Variants in BBS5 observed in about 807,000 individuals in gnomAD.
The protein encoded by BBS5 is Bardet-Biedl syndrome 5.
BBS5 carries 39 observed loss-of-function variants against 50.2 expected under a neutral mutation model. The observed-to-expected ratio is 0.78, with a 90% CI of 0.60 to 1.01. BBS5 has a LOEUF of 1.01. Among genes scored for constraint, BBS5 ranks in the 50% least tolerant of loss-of-function variants. BBS5 has a pLI of 0.00. For synonymous variants in BBS5, 134 were observed against 133.1 expected (o/e 1.01, Z -0.05); for missense variants, 356 against 401.5 (o/e 0.89, Z 0.97).
chr2:169,504,954 T>C lies in BBS5; in HGVS notation c.*372T>C, dbSNP rs1683877780. On this transcript the variant is annotated 3_prime_UTR_variant, in exon 12 of 12. Coordinates refer to ENST00000295240, the MANE Select transcript of BBS5 (RefSeq NM_152384.3). ...GTGGAGGTCCAAAGAGGACTGGTGATCTACGTGTGCTTTTTCAAGGGAGCT... is the reference window on the plus strand; with the variant it reads ...GTGGAGGTCCAAAGAGGACTGGTGACCTACGTGTGCTTTTTCAAGGGAGCT... 5 of 1,613,678 alleles carry C rather than the reference T, an allele frequency of 3.1e-6. No homozygotes were observed. Among genetic ancestry groups the C allele is most frequent in the South Asian group, 1.1e-5 (1 of 91,082 alleles).
rs1054138918 is a variant in BBS5, at chr2:169,487,068, G to C, written c.143-1G>C. The C allele has an allele frequency of 6.8e-6, 11 of 1,608,594 alleles. No homozygotes were observed. The Admixed American group carries it at 1.8e-4, about 27-fold the overall frequency. On this transcript the variant is annotated splice_acceptor_variant, in intron 2 of 11. Transcript: ENST00000295240. LOFTEE classifies it high-confidence loss of function. ...CCTATTTTTTGTCTGTGTGCTTTTA[G>C]GTAGACTCTTGGTAACAAATTTAAG...
In BBS5 at chr2:169,505,181, T is replaced by C; in HGVS notation, c.*599T>C. 1 of 573,688 alleles carries C rather than the reference T, an allele frequency of 1.7e-6. No homozygotes were observed. The highest frequency in any genetic ancestry group is 2.6e-5 in the Admixed American group (1 of 37,988). 35.5% of individuals were successfully genotyped at this position (573,688 alleles called of 1,614,324 possible). A position where few individuals can be genotyped will look rare whatever the true frequency, so the allele number is the denominator to read the frequency against. On this transcript the variant is annotated 3_prime_UTR_variant, in exon 12 of 12. Coordinates refer to ENST00000295240, the MANE Select transcript of BBS5 (RefSeq NM_152384.3). Reference sequence around the variant, plus strand: ...TGTGTTGGCCGGGCTGGTCTCCAGCTCCTAACCGCGAGTGATCCGCCAGCC... The same window carrying C: ...TGTGTTGGCCGGGCTGGTCTCCAGCCCCTAACCGCGAGTGATCCGCCAGCC...
At position 169,505,238 on chromosome 2, in the gene BBS5, G is replaced by C. The variant is rs1210014593; in HGVS notation, c.*656G>C. 1 of 465,242 alleles carries C rather than the reference G, an allele frequency of 2.1e-6. No homozygotes were observed. 28.8% of individuals were successfully genotyped at this position (465,242 alleles called of 1,614,324 possible). A position where few individuals can be genotyped will look rare whatever the true frequency, so the allele number is the denominator to read the frequency against. On this transcript the variant is annotated 3_prime_UTR_variant, in exon 12 of 12. Transcript: ENST00000295240. ...TCCCGAGGTGCCGGGATTGCAGACGGAGTCTGGTTCACTTAGTGCTCAATG... is the reference window on the plus strand; with the variant it reads ...TCCCGAGGTGCCGGGATTGCAGACGCAGTCTGGTTCACTTAGTGCTCAATG...
chr2:169,504,809 G>A lies in BBS5; in HGVS notation c.*227G>A. 6.4e-7 allele frequency: 1 copy of A among 1,570,406 alleles called. No homozygotes were observed. Among genetic ancestry groups the A allele is most frequent in the African/African-American group, 1.4e-5 (1 of 72,386 alleles). ...ATGGCCTAGTAACCGTCCGGCCGCG[G>A]CGCTGGCTTAAGCCATGGCTGAGGG... On this transcript the variant is annotated 3_prime_UTR_variant, in exon 12 of 12. Transcript: ENST00000295240.
intron 9 of BBS5, among the ~76,000 whole-genome samples, chr2:169,502,532 C>A (rs1683829241): frequency 6.6e-6 from 1 of 152,112 alleles, no homozygotes; most frequent in Non-Finnish European, 1.5e-5. Context: ...CTTATATTTT[C>A]CTCTACTCAG....
chr2:169,492,015 T>G (rs1207727794), intron 5 of BBS5, among the ~76,000 whole-genome samples: 1 of 151,278 alleles, frequency 6.6e-6, no homozygotes, highest in Admixed American at 6.6e-5. Flanking sequence ...CAGGCTGCTC[T>G]CAAACTCCAG....
At chr2:169,479,785 G>A (rs1683356085) in intron 1 of BBS5, among the ~76,000 whole-genome samples, 173 bp downstream of exon 1, 1 of 152,212 alleles carries the variant, frequency 6.6e-6, no homozygotes, top group East Asian at 1.9e-4. Flanking sequence ...GGCCACTGTG[G>A]CCCTCTCGAG....
Position 169,505,696 on chromosome 2 carries a change from G to A in BBS5, c.*1114G>A, listed in dbSNP as rs1408722740. 2.3e-5 allele frequency: 5 copies of A among 215,604 alleles called. No individual in the cohort carries two copies. The highest frequency in any genetic ancestry group is 3.7e-5 in the Non-Finnish European group (4 of 107,406). The allele number at this position is 215,604 out of a possible 1,614,324, so 13.4% of individuals were successfully genotyped here. A position where few individuals can be genotyped will look rare whatever the true frequency, so the allele number is the denominator to read the frequency against. On this transcript the variant is annotated 3_prime_UTR_variant, in exon 12 of 12. Coordinates refer to ENST00000295240, the MANE Select transcript of BBS5 (RefSeq NM_152384.3). ...CCTCCGCCTGGCAACCGCCCCGTCTGATAAGTAAGGAGCCCCTCTGCCCAG... is the reference window on the plus strand; with the variant it reads ...CCTCCGCCTGGCAACCGCCCCGTCTAATAAGTAAGGAGCCCCTCTGCCCAG...
chr2:169,493,042 A>G, intron 6 of BBS5, 33 bp downstream of exon 6: 1 of 1,611,598 alleles, frequency 6.2e-7, no homozygotes, highest in Non-Finnish European at 8.5e-7. Flanking sequence ...ACCTTTTGGG[A>G]CAGTGTTTTG....
chr2:169,480,670 CTTTTTTTTTTTT>C (rs577688589), intron 1 of BBS5, among the ~76,000 whole-genome samples: 3 of 73,168 alleles, frequency 4.1e-5, no homozygotes, highest in African/African-American at 1.1e-4. Context: ...TTCTGTCATT[CTTTTTTTTTTTT>C]TTTTTTTTTT....
chr2:169,492,503 AT>A, intron 5 of BBS5, among the ~76,000 whole-genome samples: 1 of 151,846 alleles, frequency 6.6e-6, no homozygotes, highest in Non-Finnish European at 1.5e-5. Flanking sequence ...AAAAAAAAAA[AT>A]AGGTTATTGA....
At chr2:169,491,680 C>A (rs1039137019) in intron 5 of BBS5, among the ~76,000 whole-genome samples, 2 of 151,498 alleles carry the variant, frequency 1.3e-5, no homozygotes, top group African/African-American at 4.9e-5. Flanking sequence ...CCTCCCTGTT[C>A]TTCTCTTCCT....
intron 9 of BBS5, among the ~76,000 whole-genome samples, chr2:169,502,372 T>C (rs1395427008): frequency 1.3e-5 from 2 of 152,186 alleles, no homozygotes; most frequent in African/African-American, 4.8e-5. Flanking sequence ...ACTCTGAGCG[T>C]GGTTGAAACA....
At chr2:169,480,273 G>A (rs2105290517) in intron 1 of BBS5, among the ~76,000 whole-genome samples, 1 of 152,262 alleles carries the variant, frequency 6.6e-6, no homozygotes, top group East Asian at 1.9e-4. Flanking sequence ...GGAAAGTATC[G>A]TAAAGAAAAA....
At position 169,482,257 on chromosome 2, in the gene BBS5, G is replaced by C; in HGVS notation, c.66G>C (p.Met22Ile). ...DVRFDLSAQQ[M>I]KTRPGEVLID... is the part of the protein sequence containing the mutation. ...ACCTTTATATTCACTTTAGGCAAAT[G>C]AAAACAAGACCTGGAGAAGTCCTTA... The change falls in exon 2 of 12, where the codon ATG (methionine) becomes ATC (isoleucine). Residue 22 changes from methionine (M) to isoleucine (I), a missense_variant. Transcript: ENST00000295240. The C allele has an allele frequency of 6.2e-7, 1 of 1,606,872 alleles. No homozygotes were observed. The highest frequency in any genetic ancestry group is 8.5e-7 in the Non-Finnish European group (1 of 1,173,500).
intron 7 of BBS5, among the ~76,000 whole-genome samples, chr2:169,495,031 G>A (rs1251998505): frequency 1.3e-5 from 2 of 152,070 alleles, no homozygotes; most frequent in Non-Finnish European, 2.9e-5. Context: ...TCATTTTTAT[G>A]CCAAATTTTG....
At chr2:169,490,438 G>A (rs1003206463) in intron 5 of BBS5, among the ~76,000 whole-genome samples, 25 of 152,082 alleles carry the variant, frequency 1.6e-4, no homozygotes, top group Non-Finnish European at 3.2e-4. Flanking sequence ...GGATGGTCTC[G>A]ATCTCCTGAC....
intron 1 of BBS5, 128 bp downstream of exon 1, chr2:169,479,740 G>C: frequency 3.8e-6 from 4 of 1,053,232 alleles, no homozygotes; most frequent in Non-Finnish European, 5.7e-6. Flanking sequence ...GGCTTGCGCC[G>C]GTCGTCCGCG....
At chr2:169,482,662 A>T (rs1253632880) in intron 2 of BBS5, 1 of 322,046 alleles carries the variant, frequency 3.1e-6, no homozygotes, top group African/African-American at 2.1e-5. Context: ...GAATATAAGT[A>T]GGTCATAGCT....
Sources: gnomAD v4.1 joint callset for allele counts (sites outside exome capture counted in the v4.1 genomes callset) on GRCh38, gnomAD v4.1.1 for gene constraint, MANE v1.5 for transcripts, NCBI Gene and HGNC (gene_info 2026-07-23, HGNC 2026-07-21) for gene names.